CHFR: variants seen among roughly 807,000 people sequenced by gnomAD.
The protein encoded by CHFR is E3 ubiquitin-protein ligase CHFR.
In CHFR, 57 loss-of-function variants were observed where a neutral mutation model predicts 87.6. The ratio of observed to expected loss-of-function variants is 0.65; its 90% CI spans 0.53 to 0.81. The LOEUF is 0.81. Among genes scored for constraint, CHFR ranks in the 30% least tolerant of loss-of-function variants. CHFR has a pLI of 0.00. For missense variants in CHFR, 797 were observed against 865.8 expected, an observed-to-expected ratio of 0.92 and a Z score of 1.00; for synonymous variants, 381 against 359.2, an observed-to-expected ratio of 1.06 and a Z score of -0.69.
At chr12:132,849,002 AG>A (rs1431479811) in intron 12 of CHFR, 1 of 392,416 alleles carries the variant, frequency 2.5e-6, no homozygotes, top group East Asian at 4.6e-5. Context: ...GCTGGAGTAC[AG>A]GGGAACAATC....
At chr12:132,872,419 T>C in intron 3 of CHFR, 25 bp from the exon 4 acceptor site, 1 of 1,539,766 alleles carries the variant, frequency 6.5e-7, no homozygotes, top group South Asian at 1.1e-5. Context: ...AAACACAATT[T>C]ATTCTACTTA....
At chr12:132,874,046 G>A (rs1369382809) in intron 3 of CHFR, among the ~76,000 whole-genome samples, 1 of 152,152 alleles carries the variant, frequency 6.6e-6, no homozygotes, top group Non-Finnish European at 1.5e-5. Context: ...CAAGGAACGT[G>A]GCACCTCTGG....
chr12:132,882,646 C>T (rs1371854307), intron 2 of CHFR, among the ~76,000 whole-genome samples: 3 of 151,962 alleles, frequency 2.0e-5, no homozygotes. Context: ...AAAACCAGTG[C>T]AAGTCACGGT....
intron 17 of CHFR, among the ~76,000 whole-genome samples, chr12:132,842,449 A>G (rs1950722594): frequency 2.0e-5 from 3 of 152,342 alleles, no homozygotes; most frequent in South Asian, 4.1e-4. Context: ...CTGAGTCCAC[A>G]CAACATCTCG....
intron 2 of CHFR, among the ~76,000 whole-genome samples, chr12:132,885,608 C>T (rs914335106): frequency 3.9e-5 from 6 of 152,126 alleles, no homozygotes; most frequent in Non-Finnish European, 7.3e-5. Context: ...CATATTTTCT[C>T]TCCTTGTCTT....
chr12:132,841,637 G>A, intron 17 of CHFR, 41 bp from the exon 18 acceptor site: 1 of 1,522,456 alleles, frequency 6.6e-7, no homozygotes, highest in Non-Finnish European at 9.1e-7. Context: ...GAGAGCATTG[G>A]AGAGGCAATC....
At position 132,857,550 on chromosome 12, in the gene CHFR, G is replaced by C. The variant is rs565644778; in HGVS notation, c.921C>G (p.Pro307=). Reference sequence around the variant, plus strand: ...AAGCCGCGCAGAACGTGTGCATGCAGGGCTGCAAACTGAAAGTGCAAGAGG... The same window carrying C: ...AAGCCGCGCAGAACGTGTGCATGCACGGCTGCAAACTGAAAGTGCAAGAGG... The part of the protein sequence containing the change: ...DLLHDCVSLQ[P]CMHTFCAACY... Residue 307 remains proline, a synonymous_variant, in exon 9 of 18, where the codon CCC becomes CCG. Coordinates refer to ENST00000450056, the MANE Select transcript of CHFR (RefSeq NM_001161346.2). The C allele has an allele frequency of 5.6e-6, 9 of 1,613,976 alleles. No homozygotes were observed. The East Asian group carries it at 1.8e-4, about 32-fold the overall frequency.
chr12:132,843,556 A>G (rs1373707971), intron 16 of CHFR, among the ~76,000 whole-genome samples: 6 of 152,190 alleles, frequency 3.9e-5, no homozygotes, highest in Admixed American at 2.0e-4. Context: ...GTAACTGCAA[A>G]TAGACCCAGG....
Position 132,840,571 on chromosome 12 carries a change from T to C in CHFR, c.*983A>G, listed in dbSNP as rs1950688911. Reference sequence around the variant, plus strand: ...TTTCCAAAAATCAAAATTTCAAGTATTATTCCAGATGACATGGCAAAGCTA... The same window carrying C: ...TTTCCAAAAATCAAAATTTCAAGTACTATTCCAGATGACATGGCAAAGCTA... On this transcript the variant is annotated 3_prime_UTR_variant, in exon 18 of 18. Transcript: ENST00000450056. 6.6e-6 allele frequency: 1 copy of C among 152,644 alleles called. No individual in the cohort carries two copies. The highest frequency in any genetic ancestry group is 2.4e-5 in the African/African-American group (1 of 41,462). 9.5% of individuals were successfully genotyped at this position (152,644 alleles called of 1,614,324 possible).
Position 132,835,932 on chromosome 12 carries a change from A to C in CHFR, c.*5622T>G, listed in dbSNP as rs28655176. The C allele has an allele frequency of 0.014, 1,787 of 126,908 alleles. 30 individuals are homozygous for C. Among genetic ancestry groups the C allele is most frequent in the East Asian group, 0.13 (191 of 1,484 alleles). 7.9% of individuals were successfully genotyped at this position (126,908 alleles called of 1,614,324 possible). On this transcript the variant is annotated 3_prime_UTR_variant, in exon 18 of 18. Coordinates refer to ENST00000450056, the MANE Select transcript of CHFR (RefSeq NM_001161346.2). ...AGCACGGCGCACGGCACTCACAGTGACAGGCTCCCAGCACGGCGCACGGCA... is the reference window on the plus strand; with the variant it reads ...AGCACGGCGCACGGCACTCACAGTGCCAGGCTCCCAGCACGGCGCACGGCA...
chr12:132,845,922 T>C lies in CHFR; in HGVS notation c.1735+1121A>G, dbSNP rs541339986. ...GCCTGTCAGTAACAGTATGAACCTG[T>C]GATCAATTTAGCAGCTGCCCAGTTG... On this transcript the variant is annotated intron_variant, in intron 15 of 17. Transcript: ENST00000450056. Among the ~76,000 whole-genome samples, 7 of 152,294 alleles carry C rather than the reference T, an allele frequency of 4.6e-5. No individual in the cohort carries two copies. The South Asian group carries it at 1.5e-3, about 32-fold the overall frequency.
At chr12:132,842,885 G>C in intron 17 of CHFR, 126 bp downstream of exon 17, 2 of 755,276 alleles carry the variant, frequency 2.6e-6, no homozygotes, top group South Asian at 3.0e-5. Context: ...ATTTCTAAAT[G>C]AAGATACCGG....
intron 16 of CHFR, 57 bp downstream of exon 16, chr12:132,843,970 A>G: frequency 9.0e-7 from 1 of 1,107,258 alleles, no homozygotes. Context: ...GAGAGGCAGA[A>G]GCCAAGAAGC....
At position 132,874,436 on chromosome 12, in the gene CHFR, G is replaced by T. The variant is rs575089142; in HGVS notation, c.234-2042C>A. 1.7e-4 allele frequency among the ~76,000 whole-genome samples: 26 copies of T among 150,088 alleles called. 1 individual carries two copies. In the South Asian group the frequency reaches 3.4e-3, roughly 20 times the overall value. On this transcript the variant is annotated intron_variant, in intron 3 of 17. Coordinates refer to ENST00000450056, the MANE Select transcript of CHFR (RefSeq NM_001161346.2). The stretch of plus-strand genomic sequence containing the variant: ...ACCAGCACCCAGCGCGGGGAAGCCA[G>T]GTCCTGATGTAGGCGGGAAGGCCCA...
intron 4 of CHFR, among the ~76,000 whole-genome samples, chr12:132,871,447 ACT>A (rs1951487049): frequency 1.4e-5 from 2 of 146,406 alleles, no homozygotes; most frequent in Non-Finnish European, 1.5e-5. Flanking sequence ...GCAGAGCGAG[ACT>A]CTGTCTCTTA....
chr12:132,853,249 C>T (rs1376353376), intron 11 of CHFR, among the ~76,000 whole-genome samples, 182 bp downstream of exon 11: 1 of 152,210 alleles, frequency 6.6e-6, no homozygotes, highest in Non-Finnish European at 1.5e-5. Context: ...GATTTCCCAA[C>T]CCAAAATCAG....
At chr12:132,865,137 T>G (rs1355012289) in intron 6 of CHFR, among the ~76,000 whole-genome samples, 1 of 152,210 alleles carries the variant, frequency 6.6e-6, no homozygotes, top group Admixed American at 6.5e-5. Context: ...TGAAACGCTG[T>G]GGGCCACGCT....
Position 132,836,703 on chromosome 12 carries a change from T to C in CHFR, c.*4851A>G, listed in dbSNP as rs2136898276. The C allele has an allele frequency of 2.2e-6, 1 of 456,034 alleles. No individual in the cohort carries two copies. The highest frequency in any genetic ancestry group is 1.5e-5 in the South Asian group (1 of 64,564). 28.2% of individuals were successfully genotyped at this position (456,034 alleles called of 1,614,324 possible). On this transcript the variant is annotated 3_prime_UTR_variant, in exon 18 of 18. Coordinates refer to ENST00000450056, the MANE Select transcript of CHFR (RefSeq NM_001161346.2). ...AACTTTAAGACCCCACCATCTAGAC[T>C]CACCGCCTCAGAAGGAGACAACCGT...
rs1950666596 is a variant in CHFR, at chr12:132,838,717, C to T, written c.*2837G>A. On this transcript the variant is annotated 3_prime_UTR_variant, in exon 18 of 18. Coordinates refer to ENST00000450056, the MANE Select transcript of CHFR (RefSeq NM_001161346.2). Reference sequence around the variant, plus strand: ...CCACCCCACAAGGAGAGCAGGGCTCCAAAACCACCACAGCCGGTCAGTTTT... The same window carrying T: ...CCACCCCACAAGGAGAGCAGGGCTCTAAAACCACCACAGCCGGTCAGTTTT... 1.3e-5 allele frequency: 2 copies of T among 152,290 alleles called. No homozygotes were observed. The highest frequency in any genetic ancestry group is 4.8e-5 in the African/African-American group (2 of 41,462). 9.4% of individuals were successfully genotyped at this position (152,290 alleles called of 1,614,324 possible). A position where few individuals can be genotyped will look rare whatever the true frequency, so the allele number is the denominator to read the frequency against.
Sources: allele counts gnomAD v4.1 joint callset (sites outside exome capture counted in the v4.1 genomes callset), GRCh38; gene constraint gnomAD v4.1.1; transcripts MANE v1.5; gene names NCBI Gene and HGNC (gene_info 2026-07-23, HGNC 2026-07-21).